The following GREB1L variants were observed in gnomAD, a reference collection of about 807,000 sequenced individuals.
The protein encoded by GREB1L is GREB1 like retinoic acid receptor coactivator.
GREB1L carries 17 observed loss-of-function variants against 200.8 expected under a neutral mutation model. The observed-to-expected ratio is 0.08, with a 90% confidence interval of 0.06 to 0.13. GREB1L has a LOEUF of 0.13. Among genes scored for constraint, GREB1L ranks in the 10% least tolerant of loss-of-function variants. The pLI, the probability that GREB1L is intolerant of heterozygous loss-of-function variation, is 1.00. For missense variants in GREB1L, 1,657 were observed against 2,367.7 expected (o/e 0.70, Z 6.23); for synonymous variants, 789 against 893.0 (o/e 0.88, Z 2.08).
chr18:21,467,325 A>G (rs1374553936), intron 15 of GREB1L, among the ~76,000 whole-genome samples: 1 of 152,240 alleles, frequency 6.6e-6, no homozygotes, highest in African/African-American at 2.4e-5. Flanking sequence ...AATGGGAGAA[A>G]CTATTTGGAA....
intron 1 of GREB1L, among the ~76,000 whole-genome samples, chr18:21,327,769 T>C (rs1178707333): frequency 1.3e-5 from 2 of 151,886 alleles, no homozygotes; most frequent in Non-Finnish European, 2.9e-5. Context: ...TGGAGTGCAG[T>C]GGCTGCGATC....
intron 15 of GREB1L, among the ~76,000 whole-genome samples, chr18:21,464,726 T>C (rs1241352228): frequency 6.6e-6 from 1 of 152,150 alleles, no homozygotes; most frequent in Non-Finnish European, 1.5e-5. Flanking sequence ...ACTGACATTA[T>C]GTGCAAAAAA....
chr18:21,343,730 ATTTT>A (rs36120644), intron 1 of GREB1L, among the ~76,000 whole-genome samples: 2 of 114,940 alleles, frequency 1.7e-5, no homozygotes, highest in Admixed American at 9.1e-5. Flanking sequence ...GAGAAGAGAG[ATTTT>A]TTTTTTTTTT....
chr18:21,422,257 G>A (rs1286457566), intron 7 of GREB1L, among the ~76,000 whole-genome samples: 1 of 152,014 alleles, frequency 6.6e-6, no homozygotes, highest in African/African-American at 2.4e-5. Context: ...AAGGTGACAG[G>A]GGATCACATT....
chr18:21,323,587 T>C (rs1466685160), intron 1 of GREB1L, among the ~76,000 whole-genome samples: 1 of 152,108 alleles, frequency 6.6e-6, no homozygotes, highest in Non-Finnish European at 1.5e-5. Flanking sequence ...AATTAAATAA[T>C]CAAACTTCTA....
In GREB1L at chr18:21,500,000, C is replaced by T. The variant is rs1171509352; in HGVS notation, c.3663C>T (p.Cys1221=). ...GGCCGGGACAGCCCATCAGAGGCTG[C>T]CGGGGCCCACAGGCAGCCCTGCCAC... is the stretch of plus-strand genomic sequence containing the variant. ...LPWPGQPIRG[C]RGPQAALPPV... Residue 1221 remains cysteine, a synonymous_variant, in exon 22 of 33, where the codon TGC becomes TGT. Coordinates refer to ENST00000424526, the MANE Select transcript of GREB1L (RefSeq NM_001142966.3). 11 of 1,551,324 alleles carry T rather than the reference C, an allele frequency of 7.1e-6. No homozygotes were observed. The African/African-American group carries it at 8.2e-5, about 12-fold the overall frequency.
chr18:21,467,034 G>A (rs1399895490), intron 15 of GREB1L, among the ~76,000 whole-genome samples: 3 of 152,070 alleles, frequency 2.0e-5, no homozygotes, highest in Non-Finnish European at 2.9e-5. Context: ...GAATGATGCT[G>A]GGACAACTGA....
intron 5 of GREB1L, among the ~76,000 whole-genome samples, chr18:21,397,891 A>G (rs1211743208): frequency 6.6e-6 from 1 of 152,230 alleles, no homozygotes; most frequent in Non-Finnish European, 1.5e-5. Context: ...ACGTAGGGAC[A>G]CAACAGTTAA....
chr18:21,449,788 A>G lies in GREB1L; in HGVS notation c.1672A>G (p.Ile558Val). 6.5e-7 allele frequency: 1 copy of G among 1,545,700 alleles called. No homozygotes were observed. The highest frequency in any genetic ancestry group is 8.7e-7 in the Non-Finnish European group (1 of 1,143,120). Residue 558 changes from isoleucine to valine, a missense_variant, in exon 12 of 33, where the codon ATT (isoleucine) becomes GTT (valine). By Grantham distance (29) the Ile-to-Val change is conservative. Around this residue, in one of 9 missense-constraint regions of GREB1L, gnomAD observed 239 missense variants for 421.8 expected, o/e 0.57. Coordinates refer to ENST00000424526, the MANE Select transcript of GREB1L (RefSeq NM_001142966.3). ...AAGGCTGCCAGATTATGTGGTGGTA[A>G]TTTGTGCATCGAAAATCAGAGGAAA... The part of the protein sequence containing the change: ...YQRLPDYVVV[I>V]CASKIRGNEF...
intron 25 of GREB1L, among the ~76,000 whole-genome samples, chr18:21,507,732 G>A (rs917822214): frequency 6.6e-6 from 1 of 152,140 alleles, no homozygotes; most frequent in African/African-American, 2.4e-5. Flanking sequence ...GATCTGACCC[G>A]CATAGAGCAG....
chr18:21,384,975 C>G (rs1303651961), intron 4 of GREB1L, among the ~76,000 whole-genome samples: 2 of 145,184 alleles, frequency 1.4e-5, no homozygotes, highest in East Asian at 3.8e-4. Flanking sequence ...GGGTCAACCT[C>G]CTCTTCCACC....
intron 19 of GREB1L, among the ~76,000 whole-genome samples, chr18:21,493,766 T>C (rs1207447108): frequency 7.1e-6 from 1 of 141,724 alleles, no homozygotes; most frequent in Non-Finnish European, 1.5e-5. Flanking sequence ...CTCAGGAGGC[T>C]GAGGCAGGAG....
In GREB1L at chr18:21,508,584, A is replaced by G; in HGVS notation, c.4728A>G (p.Ala1576=). The change falls in exon 27 of 33, where the codon GCA becomes GCG. Residue 1576 remains alanine, a synonymous_variant. Coordinates refer to ENST00000424526, the MANE Select transcript of GREB1L (RefSeq NM_001142966.3). ...MLVLPGMFNN[A]GVGAARFLIK... ...TGCTTCCCGGCATGTTCAATAATGC[A>G]GGCGTGGGTAAGGGGCCCCCCTGGG... is the stretch of plus-strand genomic sequence containing the variant. 3.2e-6 allele frequency: 5 copies of G among 1,551,594 alleles called. No homozygotes were observed. Among genetic ancestry groups the G allele is most frequent in the Non-Finnish European group, 4.4e-6 (5 of 1,146,998 alleles).
intron 7 of GREB1L, among the ~76,000 whole-genome samples, chr18:21,409,285 A>G (rs2030674644): frequency 6.6e-6 from 1 of 152,220 alleles, no homozygotes. Flanking sequence ...AAGAGACCAC[A>G]TATTGTATGG....
At chr18:21,375,958 A>T (rs530810556) in intron 2 of GREB1L, among the ~76,000 whole-genome samples, 1 of 152,326 alleles carries the variant, frequency 6.6e-6, no homozygotes, top group South Asian at 2.1e-4. Flanking sequence ...ATTAACTGCC[A>T]GTAATGCCTG....
intron 5 of GREB1L, among the ~76,000 whole-genome samples, chr18:21,400,762 C>T (rs972002056): frequency 2.0e-5 from 3 of 152,106 alleles, no homozygotes. Context: ...GGGCAGAGAA[C>T]CAGGGTGAGG....
At chr18:21,277,325 C>G (rs2038185456) in intron 1 of GREB1L, among the ~76,000 whole-genome samples, 1 of 152,186 alleles carries the variant, frequency 6.6e-6, no homozygotes, top group African/African-American at 2.4e-5. Flanking sequence ...GTGCCCTGGC[C>G]AGGTTGCCAT....
chr18:21,344,807 ACAG>A, intron 1 of GREB1L, among the ~76,000 whole-genome samples: 1 of 152,346 alleles, frequency 6.6e-6, no homozygotes, highest in East Asian at 1.9e-4. Flanking sequence ...AAAGAAACTT[ACAG>A]TAAAATGCTG....
At chr18:21,281,229 T>C (rs2038264058) in intron 1 of GREB1L, among the ~76,000 whole-genome samples, 1 of 152,216 alleles carries the variant, frequency 6.6e-6, no homozygotes, top group African/African-American at 2.4e-5. Flanking sequence ...GTGCTGCCTT[T>C]GGGGAGGTGG....
Sources: gnomAD v4.1 joint callset for allele counts (sites outside exome capture counted in the v4.1 genomes callset) on GRCh38, gnomAD v4.1.1 for gene constraint, gnomAD v4.1.1 regional missense constraint, MANE v1.5 for transcripts, NCBI Gene and HGNC (gene_info 2026-07-23, HGNC 2026-07-21) for gene names.